Variants in INTS12 observed in about 807,000 individuals in gnomAD.
INTS12 encodes PHD finger protein 22.
Under a neutral mutation model 41.6 loss-of-function variants are expected in INTS12, and 13 were observed. That is an observed-to-expected ratio of 0.31 (90% confidence interval 0.20 to 0.50). The LOEUF is 0.50. Ranked by LOEUF, INTS12 falls within the 20% of genes least tolerant of loss-of-function variation. The probability of loss-of-function intolerance (pLI) is 0.98; values close to 1 mark genes in which losing one functional copy is unlikely to be tolerated. For synonymous variants in INTS12, 199 were observed against 191.4 expected (o/e 1.04, Z -0.33); for missense variants, 432 against 541.6 (o/e 0.80, Z 2.01).
intron 4 of INTS12, among the ~76,000 whole-genome samples, chr4:105,694,352 G>C (rs1731787810): frequency 6.6e-6 from 1 of 152,094 alleles, no homozygotes; most frequent in Non-Finnish European, 1.5e-5. Flanking sequence ...TTAAGACAGA[G>C]TCTTGCAGTG....
chr4:105,697,521 G>C (rs898437605), intron 3 of INTS12, among the ~76,000 whole-genome samples: 1 of 152,118 alleles, frequency 6.6e-6, no homozygotes, highest in East Asian at 1.9e-4. Flanking sequence ...TTAGCAAACT[G>C]AGGCCTATAA....
chr4:105,698,905 G>A (rs1210364201), intron 3 of INTS12, among the ~76,000 whole-genome samples: 2 of 152,142 alleles, frequency 1.3e-5, no homozygotes, highest in Non-Finnish European at 2.9e-5. Flanking sequence ...TGGGATCTAA[G>A]TCCACAGACC....
chr4:105,701,696 T>A (rs1367223832), intron 2 of INTS12, among the ~76,000 whole-genome samples: 1 of 152,220 alleles, frequency 6.6e-6, no homozygotes, highest in African/African-American at 2.4e-5. Flanking sequence ...TGATTTTATT[T>A]CATATAGGTA....
intron 1 of INTS12, among the ~76,000 whole-genome samples, chr4:105,707,563 C>CA (rs200982175): frequency 4.0e-5 from 6 of 151,894 alleles, no homozygotes; most frequent in African/African-American, 1.2e-4. Flanking sequence ...CCTGCCCCCA[C>CA]AAAAAAAACT....
At chr4:105,707,431 A>G (rs1209048064) in intron 1 of INTS12, among the ~76,000 whole-genome samples, 1 of 152,098 alleles carries the variant, frequency 6.6e-6, no homozygotes, top group Non-Finnish European at 1.5e-5. Context: ...AAAGTACAAC[A>G]AAATAATGGC....
At chr4:105,684,209 T>G (rs1731424722) in intron 7 of INTS12, among the ~76,000 whole-genome samples, 1 of 152,188 alleles carries the variant, frequency 6.6e-6, no homozygotes, top group African/African-American at 2.4e-5. Flanking sequence ...TACATATTGC[T>G]CTTGTTCACA....
intron 3 of INTS12, among the ~76,000 whole-genome samples, chr4:105,698,603 A>G (rs1414312385): frequency 1.3e-5 from 2 of 152,080 alleles, no homozygotes; most frequent in Admixed American, 1.3e-4. Flanking sequence ...CAATACCAAC[A>G]CCCACAGTGG....
At position 105,697,415 on chromosome 4, in the gene INTS12, AG is replaced by A. The variant is rs1019638144; in HGVS notation, c.157-1748del. Among the ~76,000 whole-genome samples the A allele has an allele frequency of 1.1e-4, 16 of 151,856 alleles. No individual in the cohort carries two copies. In the South Asian group the frequency reaches 3.3e-3, roughly 32 times the overall value. On this transcript the variant is annotated intron_variant, in intron 3 of 7. Coordinates refer to ENST00000340139, the MANE Select transcript of INTS12 (RefSeq NM_020395.4). ...AATTTCAGAATAGTGGTTACCTCTG[AG>A]GGGGGAAGAGAAGAAAAAGGAAGGA...
intron 1 of INTS12, chr4:105,708,220 C>T (rs1474769264): frequency 3.0e-6 from 3 of 985,306 alleles, no homozygotes; most frequent in Admixed American, 6.1e-5. Context: ...TGAAAGCTGA[C>T]AGCAAACACT....
At chr4:105,708,273 G>C in intron 1 of INTS12, 2 of 985,394 alleles carry the variant, frequency 2.0e-6, no homozygotes, top group Non-Finnish European at 2.4e-6. Context: ...ATCACACATC[G>C]AAGTCCTAGA....
chr4:105,700,508 G>T (rs1292123994), intron 2 of INTS12, among the ~76,000 whole-genome samples: 1 of 151,092 alleles, frequency 6.6e-6, no homozygotes, highest in Non-Finnish European at 1.5e-5. Flanking sequence ...AGCTATCATG[G>T]TCACTGCTGC....
At chr4:105,686,911 G>A (rs1280197759) in intron 6 of INTS12, 73 bp from the exon 7 acceptor site, 119 of 1,289,410 alleles carry the variant, frequency 9.2e-5, no homozygotes, top group Non-Finnish European at 1.7e-5. Context: ...ATCCCTCACA[G>A]GACTCATCAC....
chr4:105,694,419 G>A (rs769255405), intron 4 of INTS12, among the ~76,000 whole-genome samples: 1 of 152,122 alleles, frequency 6.6e-6, no homozygotes, highest in Admixed American at 6.5e-5. Context: ...TCCGCCTGCT[G>A]GGTTAGAGTG....
At position 105,682,811 on chromosome 4, in the gene INTS12, T is replaced by G; in HGVS notation, c.1311A>C (p.Ser437=). 1 of 1,614,130 alleles carries G rather than the reference T, an allele frequency of 6.2e-7. No individual in the cohort carries two copies. The highest frequency in any genetic ancestry group is 8.5e-7 in the Non-Finnish European group (1 of 1,179,960). Residue 437 remains serine (S), a synonymous_variant, in exon 8 of 8, where the codon TCA becomes TCC. Coordinates refer to ENST00000340139, the MANE Select transcript of INTS12 (RefSeq NM_020395.4). The stretch of plus-strand genomic sequence containing the variant: ...TCATAGCATTGAGCTGTGATTCTTG[T>G]GAAGTTGGGCCTTTAAGGGATGCTG... ...SPSASLKGPT[S]QESQLNAMKR...
Position 105,682,768 on chromosome 4 carries a change from T to G in INTS12, c.1354A>C (p.Lys452Gln). The G allele has an allele frequency of 6.2e-7, 1 of 1,614,094 alleles. No homozygotes were observed. Among genetic ancestry groups the G allele is most frequent in the Non-Finnish European group, 8.5e-7 (1 of 1,179,918 alleles). The change falls in exon 8 of 8, where the codon AAG becomes CAG. Residue 452 changes from lysine (K) to glutamine (Q), a missense_variant. By Grantham distance (53) the Lys-to-Gln change is moderately conservative. This residue lies in a region of INTS12 where 258 missense variants were observed against 309.9 expected (regional missense o/e 0.83). Transcript: ENST00000340139. The stretch of plus-strand genomic sequence containing the variant: ...AGTTTCTTTTGGGCAGCTTTCTTCT[T>G]GACCATCTGTAATCGCTTCATAGCA... The part of the protein sequence containing the change: ...LNAMKRLQMV[K>Q]KKAAQKKLKK
intron 3 of INTS12, among the ~76,000 whole-genome samples, chr4:105,697,041 G>A (rs936595787): frequency 6.6e-6 from 1 of 152,174 alleles, no homozygotes; most frequent in African/African-American, 2.4e-5. Flanking sequence ...TAAAAGAAAT[G>A]AATCTGTTTG....
chr4:105,685,663 T>C (rs1336708498), intron 7 of INTS12, among the ~76,000 whole-genome samples: 1 of 152,176 alleles, frequency 6.6e-6, no homozygotes, highest in South Asian at 2.1e-4. Context: ...TGAGGCTATT[T>C]TTTTTTTAAT....
intron 6 of INTS12, 152 bp from the exon 7 acceptor site, chr4:105,686,990 AATT>A (rs1468422817): frequency 7.8e-6 from 5 of 643,886 alleles, no homozygotes; most frequent in South Asian, 1.9e-5. Flanking sequence ...CTCTTTGACA[AATT>A]ATTATCATAT....
intron 2 of INTS12, chr4:105,703,120 A>C: frequency 1.3e-5 from 7 of 539,458 alleles, no homozygotes; most frequent in Non-Finnish European, 1.7e-5. Flanking sequence ...CATGGCCAAA[A>C]CAGACTGCAA....
Sources: gnomAD v4.1 joint callset for allele counts (sites outside exome capture counted in the v4.1 genomes callset) on GRCh38, gnomAD v4.1.1 for gene constraint, gnomAD v4.1.1 regional missense constraint, MANE v1.5 for transcripts, NCBI Gene and HGNC (gene_info 2026-07-23, HGNC 2026-07-21) for gene names.